CNTN4: variants seen among roughly 807,000 people sequenced by gnomAD.
CNTN4 encodes the protein contactin 4.
A neutral mutation model predicts 122.5 loss-of-function variants in CNTN4; 77 were observed. That is an observed-to-expected ratio of 0.63 (90% CI 0.52 to 0.76). The LOEUF is 0.76. CNTN4 is among the 30% of genes least tolerant of loss of function. CNTN4 has a pLI of 0.00. For missense variants in CNTN4, 1,256 were observed against 1,259.1 expected (o/e 1.00, Z 0.04); for synonymous variants, 512 against 447.0 (o/e 1.15, Z -1.83).
intron 4 of CNTN4, among the ~76,000 whole-genome samples, chr3:2,697,740 G>C (rs1268307649): frequency 2.6e-5 from 4 of 152,170 alleles, no homozygotes; most frequent in Admixed American, 2.6e-4. Context: ...CTTATTTTAA[G>C]GAACTGGCTC....
At chr3:2,150,556 T>C (rs1574946268) in intron 2 of CNTN4, among the ~76,000 whole-genome samples, 1 of 152,334 alleles carries the variant, frequency 6.6e-6, no homozygotes, top group Non-Finnish European at 1.5e-5. Flanking sequence ...CCCTGGGGAT[T>C]CTGTAGCAGC....
At chr3:2,742,659 G>C (rs2149531546) in intron 5 of CNTN4, among the ~76,000 whole-genome samples, 1 of 152,314 alleles carries the variant, frequency 6.6e-6, no homozygotes, top group East Asian at 1.9e-4. Flanking sequence ...TCTCTGGAGA[G>C]AGTGGAGTCG....
intron 6 of CNTN4, among the ~76,000 whole-genome samples, chr3:2,814,595 T>C (rs1212575712): frequency 6.6e-6 from 1 of 152,228 alleles, no homozygotes; most frequent in East Asian, 1.9e-4. Context: ...TTTCTTTCCA[T>C]ATTCACTGAG....
At chr3:2,503,977 C>G (rs11720105) in intron 3 of CNTN4, among the ~76,000 whole-genome samples, 48,970 of 151,648 alleles carry the variant, frequency 0.32, 8,699 homozygotes, top group Admixed American at 0.44. Flanking sequence ...AATGGGAGCT[C>G]TGATGTCAGT....
intron 2 of CNTN4, among the ~76,000 whole-genome samples, chr3:2,275,867 C>T (rs2041484755): frequency 6.8e-6 from 1 of 146,600 alleles, no homozygotes; most frequent in Admixed American, 6.9e-5. Context: ...TTGCAGTGAG[C>T]CGAGATTGTG....
chr3:2,672,302 C>T (rs888498634), intron 4 of CNTN4, among the ~76,000 whole-genome samples: 2 of 152,200 alleles, frequency 1.3e-5, no homozygotes, highest in Non-Finnish European at 2.9e-5. Flanking sequence ...CCTACTCAAG[C>T]CTCAGCAATG....
intron 16 of CNTN4, among the ~76,000 whole-genome samples, chr3:3,031,339 C>A (rs1301687904): frequency 1.3e-5 from 2 of 152,106 alleles, no homozygotes; most frequent in East Asian, 3.9e-4. Context: ...CTGGGCCAAA[C>A]TGAATTAGTA....
At chr3:2,181,655 T>TA (rs1402503844) in intron 2 of CNTN4, among the ~76,000 whole-genome samples, 5 of 152,048 alleles carry the variant, frequency 3.3e-5, no homozygotes, top group Admixed American at 2.0e-4. Context: ...TAGTTAGTGT[T>TA]AAAAAAAGCC....
chr3:3,008,943 C>T, intron 14 of CNTN4: 1 of 985,336 alleles, frequency 1.0e-6, no homozygotes, highest in Non-Finnish European at 1.2e-6. Context: ...AAGAAGGGCG[C>T]CAAACCTTGG....
chr3:2,167,278 T>G (rs2036237599), intron 2 of CNTN4, among the ~76,000 whole-genome samples: 1 of 152,160 alleles, frequency 6.6e-6, no homozygotes, highest in Admixed American at 6.5e-5. Context: ...CAAAAATGAT[T>G]GCCACCTCAT....
At chr3:2,739,160 C>T (rs1344547694) in intron 5 of CNTN4, among the ~76,000 whole-genome samples, 1 of 151,852 alleles carries the variant, frequency 6.6e-6, no homozygotes, top group East Asian at 1.9e-4. Context: ...CATTAGTGAA[C>T]AGAAATATAT....
At chr3:2,392,772 T>C (rs1273506224) in intron 3 of CNTN4, among the ~76,000 whole-genome samples, 1 of 152,210 alleles carries the variant, frequency 6.6e-6, no homozygotes, top group African/African-American at 2.4e-5. Flanking sequence ...CACTTACCTG[T>C]TTCTAGAACT....
intron 4 of CNTN4, among the ~76,000 whole-genome samples, chr3:2,663,781 T>C (rs2084017333): frequency 6.6e-6 from 1 of 152,214 alleles, no homozygotes. Context: ...GCATACAATG[T>C]GATATGTCTG....
At chr3:2,418,649 C>G (rs1047645403) in intron 3 of CNTN4, among the ~76,000 whole-genome samples, 2 of 152,096 alleles carry the variant, frequency 1.3e-5, no homozygotes, top group African/African-American at 4.8e-5. Flanking sequence ...AAAGGTTTCA[C>G]TTTTGTAAAG....
chr3:2,687,624 C>G (rs371582251), intron 4 of CNTN4, among the ~76,000 whole-genome samples: 7 of 152,244 alleles, frequency 4.6e-5, no homozygotes, highest in Admixed American at 1.3e-4. Context: ...CACTCCACTC[C>G]GAACAAGATC....
At chr3:2,544,587 G>C (rs143665869) in intron 3 of CNTN4, among the ~76,000 whole-genome samples, 2 of 151,962 alleles carry the variant, frequency 1.3e-5, no homozygotes, top group Non-Finnish European at 2.9e-5. Flanking sequence ...ATTTCTTCCT[G>C]GTTCAGTTTT....
chr3:2,797,952 G>A (rs1199297264), intron 6 of CNTN4, among the ~76,000 whole-genome samples: 1 of 139,530 alleles, frequency 7.2e-6, no homozygotes, highest in Non-Finnish European at 1.5e-5. Context: ...AAATTTAGAA[G>A]GTAAAAGTGC....
intron 3 of CNTN4, among the ~76,000 whole-genome samples, chr3:2,399,806 T>C (rs1283263126): frequency 1.3e-5 from 2 of 152,094 alleles, no homozygotes; most frequent in Non-Finnish European, 2.9e-5. Flanking sequence ...ATGAATGTTA[T>C]TTAAATGTAT....
chr3:2,424,199 A>C, intron 3 of CNTN4, among the ~76,000 whole-genome samples: 1 of 139,808 alleles, frequency 7.2e-6, no homozygotes, highest in Non-Finnish European at 1.6e-5. Flanking sequence ...ATGTTTCCTA[A>C]TGCTATCCCT....
Sources: gnomAD v4.1 joint callset for allele counts (sites outside exome capture counted in the v4.1 genomes callset) on GRCh38, gnomAD v4.1.1 for gene constraint, MANE v1.5 for transcripts, NCBI Gene and HGNC (gene_info 2026-07-23, HGNC 2026-07-21) for gene names.